HEATR4: variants seen among roughly 807,000 people sequenced by gnomAD.
HEATR4 encodes the protein HEAT repeat containing 4.
HEATR4 carries 95 observed loss-of-function variants against 108.8 expected under a neutral mutation model. The ratio of observed to expected loss-of-function variants is 0.87; its 90% CI spans 0.74 to 1.04. The LOEUF is 1.04. Among genes scored for constraint, HEATR4 ranks in the 50% least tolerant of loss-of-function variants. The pLI is 0.00. For missense variants in HEATR4, 1,152 were observed against 1,253.8 expected, an observed-to-expected ratio of 0.92 and a Z score of 1.23; for synonymous variants, 443 against 459.4, an observed-to-expected ratio of 0.96 and a Z score of 0.46.
At chr14:73,629,648 ATTT>A in the HEATR4 span, among the ~76,000 whole-genome samples, 2 of 145,378 alleles carry the variant, frequency 1.4e-5, no homozygotes, top group African/African-American at 2.5e-5. Flanking sequence ...GAAAGTTTAG[ATTT>A]TTTTTTTTTT....
Position 73,522,891 on chromosome 14 carries a change from A to G in HEATR4, c.262T>C (p.Tyr88His). 3 of 1,614,102 alleles carry G rather than the reference A, an allele frequency of 1.9e-6. No individual in the cohort carries two copies. The highest frequency in any genetic ancestry group is 1.7e-6 in the Non-Finnish European group (2 of 1,180,012). ...AGGTGGTCAAAGCTGTACTGGCTAT[A>G]AGGAATGCTGGGCAGGCCTCGCTGC... is the stretch of plus-strand genomic sequence containing the variant. ...VWQRGLPSIP[Y>H]SQYSFDHLYN... The change falls in exon 3 of 18, where the codon TAT becomes CAT. Residue 88 changes from tyrosine (Y) to histidine (H), a missense_variant. Physicochemically the swap from Tyr to His is moderately conservative, Grantham distance 83. Transcript: ENST00000553558.
the HEATR4 span, chr14:73,595,052 A>G: frequency 3.1e-6 from 5 of 1,612,824 alleles, no homozygotes; most frequent in East Asian, 4.5e-5. Flanking sequence ...CTTCCAGGTA[A>G]AAGGCCCAGG....
chr14:73,594,947 C>T, the HEATR4 span: 34 of 1,415,882 alleles, frequency 2.4e-5, no homozygotes, highest in South Asian at 8.0e-5. Context: ...TCAAGTGATC[C>T]GCCCGCCTCC....
the HEATR4 span, among the ~76,000 whole-genome samples, chr14:73,583,476 T>C: frequency 2.0e-5 from 3 of 151,852 alleles, no homozygotes; most frequent in South Asian, 4.2e-4. Flanking sequence ...CTGTTATAGG[T>C]AGTTACATAG....
Position 73,551,159 on chromosome 14 carries a change from G to A in HEATR4, c.-152+7592C>T, listed in dbSNP as rs1388223272. 1.4e-4 allele frequency among the ~76,000 whole-genome samples: 15 copies of A among 105,340 alleles called. 4 individuals are homozygous for A. Among genetic ancestry groups the A allele is most frequent in the Admixed American group, 1.3e-3 (12 of 9,026 alleles). 69.1% of individuals were successfully genotyped at this position (105,340 alleles called of 152,430 possible). ...AGCCTGAGTGACAGTGTGAGACTCC[G>A]TCTCAAAAAAAAAAAAAAGAATGCA... On this transcript the variant is annotated intron_variant, in intron 1 of 17. Transcript: ENST00000553558.
At chr14:73,610,600 T>G in the HEATR4 span, among the ~76,000 whole-genome samples, 1 of 152,042 alleles carries the variant, frequency 6.6e-6, no homozygotes, top group South Asian at 2.1e-4. Flanking sequence ...CAAGGTGCCA[T>G]ATTAATATGA....
chr14:73,526,894 G>A (rs932811772), intron 2 of HEATR4, among the ~76,000 whole-genome samples: 1 of 152,040 alleles, frequency 6.6e-6, no homozygotes, highest in African/African-American at 2.4e-5. Context: ...GGCCATGGGA[G>A]TGCTCATGTC....
chr14:73,569,459 C>T, the HEATR4 span: 1 of 1,613,520 alleles, frequency 6.2e-7, no homozygotes, highest in Non-Finnish European at 8.5e-7. Context: ...AGCCTGCGGG[C>T]CGCTGCTGCT....
chr14:73,591,174 G>A, the HEATR4 span, among the ~76,000 whole-genome samples: 2 of 152,146 alleles, frequency 1.3e-5, no homozygotes, highest in African/African-American at 4.8e-5. Flanking sequence ...TTGAGCCTGG[G>A]AGGTGGAGGC....
At chr14:73,610,978 C>G in the HEATR4 span, 1 of 152,326 alleles carries the variant, frequency 6.6e-6, no homozygotes, top group African/African-American at 2.4e-5. Flanking sequence ...AGGCAGCATT[C>G]CTGAGCCTTG....
chr14:73,589,130 TTCTACA>T, the HEATR4 span, among the ~76,000 whole-genome samples: 1 of 150,050 alleles, frequency 6.7e-6, no homozygotes, highest in Non-Finnish European at 1.5e-5. Context: ...GGTTCGTTTG[TTCTACA>T]TCTACAGTTT....
the HEATR4 span, among the ~76,000 whole-genome samples, chr14:73,621,916 A>C: frequency 2.6e-5 from 4 of 151,412 alleles, no homozygotes; most frequent in Non-Finnish European, 5.9e-5. Flanking sequence ...GGCATGCACC[A>C]CCAAACCTGG....
the HEATR4 span, among the ~76,000 whole-genome samples, chr14:73,620,798 T>C: frequency 6.6e-6 from 1 of 150,844 alleles, no homozygotes; most frequent in African/African-American, 2.4e-5. Flanking sequence ...AAACTCCTGA[T>C]GTCAGGTGAT....
intron 17 of HEATR4, among the ~76,000 whole-genome samples, chr14:73,489,750 A>G (rs987256126): frequency 2.9e-4 from 44 of 152,262 alleles, no homozygotes; most frequent in Non-Finnish European, 5.4e-4. Flanking sequence ...AGCTAAAGAA[A>G]CAAAATCCCA....
intron 1 of HEATR4, among the ~76,000 whole-genome samples, chr14:73,551,685 G>T (rs376308881): frequency 9.0e-6 from 1 of 111,010 alleles, no homozygotes; most frequent in South Asian, 2.9e-4. Flanking sequence ...GTGCGCACCT[G>T]TAGTCCCAGC....
At chr14:73,580,668 G>A in the HEATR4 span, 1 of 152,176 alleles carries the variant, frequency 6.6e-6, no homozygotes, top group Non-Finnish European at 1.5e-5. Flanking sequence ...TGCCATCATG[G>A]TGGCTAGAGA....
chr14:73,566,573 C>T, the HEATR4 span, among the ~76,000 whole-genome samples: 1 of 152,192 alleles, frequency 6.6e-6, no homozygotes, highest in African/African-American at 2.4e-5. Context: ...AGCCGCTGGC[C>T]CAGGTGCTAA....
At chr14:73,586,036 C>A in the HEATR4 span, among the ~76,000 whole-genome samples, 7 of 141,592 alleles carry the variant, frequency 4.9e-5, no homozygotes, top group African/African-American at 2.6e-5. Context: ...AAAAAAAAAA[C>A]GTAAACTGCC....
chr14:73,482,416 G>A (rs1307391763), intron 17 of HEATR4, among the ~76,000 whole-genome samples: 1 of 152,118 alleles, frequency 6.6e-6, no homozygotes, highest in African/African-American at 2.4e-5. Flanking sequence ...TAGCTACTCA[G>A]GAGGCTGAGG....
Sources: gnomAD v4.1 joint callset for allele counts (sites outside exome capture counted in the v4.1 genomes callset) on GRCh38, gnomAD v4.1.1 for gene constraint, MANE v1.5 for transcripts, NCBI Gene and HGNC (gene_info 2026-07-23, HGNC 2026-07-21) for gene names.